The following MAP4K3 variants were observed in gnomAD, a reference collection of about 807,000 sequenced individuals.
MAP4K3 encodes MAPK/ERK kinase kinase kinase 3.
A neutral mutation model predicts 143.5 loss-of-function variants in MAP4K3; 94 were observed. The ratio of observed to expected loss-of-function variants is 0.65; its 90% CI spans 0.55 to 0.78. The LOEUF (loss-of-function observed/expected upper bound fraction) is 0.78. Among genes scored for constraint, MAP4K3 ranks in the 30% least tolerant of loss-of-function variants. The pLI, the probability that MAP4K3 is intolerant of heterozygous loss-of-function variation, is 0.00. For synonymous variants in MAP4K3, 416 were observed against 347.2 expected (o/e 1.20, Z -2.20); for missense variants, 1,077 against 1,068.1 (o/e 1.01, Z -0.12).
intron 33 of MAP4K3, among the ~76,000 whole-genome samples, 154 bp from the exon 34 acceptor site, chr2:39,250,859 G>C (rs893870601): frequency 6.6e-6 from 1 of 152,190 alleles, no homozygotes; most frequent in South Asian, 2.1e-4. Context: ...TGATTACAGG[G>C]CCAGTTCTAG....
At chr2:39,345,322 G>A (rs1384519208) in intron 3 of MAP4K3, among the ~76,000 whole-genome samples, 3 of 151,908 alleles carry the variant, frequency 2.0e-5, no homozygotes, top group Admixed American at 1.3e-4. Flanking sequence ...AGGGCGGGGC[G>A]GGGCGTATTA....
intron 1 of MAP4K3, among the ~76,000 whole-genome samples, chr2:39,391,860 CA>C (rs372372811): frequency 6.6e-6 from 1 of 151,982 alleles, no homozygotes; most frequent in Non-Finnish European, 1.5e-5. Context: ...CTCGCTGGTA[CA>C]AAAAGTCTCC....
Position 39,260,833 on chromosome 2 carries a change from T to C in MAP4K3, c.2137-56A>G. ...AAGGAAAATAAAAACCGAATAATTC[T>C]ATGAGAATACTATAAAACAGCTTTC... On this transcript the variant is annotated intron_variant, in intron 28 of 33. Coordinates refer to ENST00000263881, the MANE Select transcript of MAP4K3 (RefSeq NM_003618.4). 4.1e-6 allele frequency: 5 copies of C among 1,224,318 alleles called. No homozygotes were observed. In the South Asian group the frequency reaches 5.4e-5, roughly 13 times the overall value. 75.8% of individuals were successfully genotyped at this position (1,224,318 alleles called of 1,614,324 possible).
At position 39,280,317 on chromosome 2, in the gene MAP4K3, AG is replaced by A. The variant is rs762833452; in HGVS notation, c.1668del (p.Leu557Ter). On this transcript the variant is annotated frameshift_variant, in exon 23 of 34. Coordinates refer to ENST00000263881, the MANE Select transcript of MAP4K3 (RefSeq NM_003618.4). LOFTEE classifies it high-confidence loss of function. ...ACFSKVFNGC[P>X]LKIHCASSWI... ...CATGATGATGCACAGTGAATTTTCA[AG>A]GGACACCCATTAAAAACTTTTGAAA... The A allele has an allele frequency of 6.2e-7, 1 of 1,604,804 alleles. No homozygotes were observed. The highest frequency in any genetic ancestry group is 8.5e-7 in the Non-Finnish European group (1 of 1,174,374).
chr2:39,307,951 A>T lies in MAP4K3; in HGVS notation c.1111T>A (p.Ser371Thr). 6.4e-7 allele frequency: 1 copy of T among 1,573,948 alleles called. No individual in the cohort carries two copies. Among genetic ancestry groups the T allele is most frequent in the Non-Finnish European group, 8.6e-7 (1 of 1,160,516 alleles). Reference protein sequence around the residue: ...SSEEIYYTARSNLDLQLEYGQ... With the variant: ...SSEEIYYTARTNLDLQLEYGQ... ...CAGAAGATGAGAAATACCAGATTAG[A>T]TCTTGCAGTGTAGTATATTTCTTCT... Residue 371 changes from serine to threonine, a missense_variant, in exon 15 of 34, where the codon TCT becomes ACT. This residue lies in a region of MAP4K3 where 864 missense variants were observed against 801.2 expected (regional missense o/e 1.08). Transcript: ENST00000263881.
At chr2:39,304,696 C>A (rs1327041692) in intron 15 of MAP4K3, among the ~76,000 whole-genome samples, 1 of 152,088 alleles carries the variant, frequency 6.6e-6, no homozygotes, top group Non-Finnish European at 1.5e-5. Flanking sequence ...AACTACAAGT[C>A]CATTTCTAGT....
At chr2:39,425,596 C>G (rs1486749951) in intron 1 of MAP4K3, among the ~76,000 whole-genome samples, 3 of 152,016 alleles carry the variant, frequency 2.0e-5, no homozygotes, top group African/African-American at 7.2e-5. Context: ...CATCTACAAG[C>G]CAGAAAGAGA....
rs539102086 is a variant in MAP4K3 at position 39,258,584 on chromosome 2, G to T, written c.2312C>A (p.Thr771Asn). The change falls in exon 30 of 34, where the codon ACC becomes AAC. Residue 771 changes from threonine (T) to asparagine (N), a missense_variant. Thr to Asn is a moderately conservative substitution (Grantham distance 65, BLOSUM62 0). Transcript: ENST00000263881. ...TACATGAGTAACATTTGTCTGTGGG[G>T]TATCTACAATACAAACAAATTTTGG... is the stretch of plus-strand genomic sequence containing the variant. ...STSSWFTESDTPQTNVTHVTQ... is the reference protein window; with the variant it reads ...STSSWFTESDNPQTNVTHVTQ... 5.6e-5 allele frequency: 91 copies of T among 1,611,880 alleles called. No homozygotes were observed. The South Asian group carries it at 9.7e-4, about 17-fold the overall frequency.
Position 39,341,634 on chromosome 2 carries a change from C to T in MAP4K3, c.310+1754G>A, listed in dbSNP as rs190976631. ...TAGCACCACTGCACTCCAGCCTGCG[C>T]GACAGAGCAAGACTCCGTTTAAAAA... On this transcript the variant is annotated intron_variant, in intron 4 of 33. Coordinates refer to ENST00000263881, the MANE Select transcript of MAP4K3 (RefSeq NM_003618.4). 1.6e-3 allele frequency among the ~76,000 whole-genome samples: 235 copies of T among 149,284 alleles called. 2 individuals are homozygous for T. The highest frequency in any genetic ancestry group is 4.9e-3 in the African/African-American group (199 of 40,452).
intron 1 of MAP4K3, among the ~76,000 whole-genome samples, chr2:39,415,839 G>C (rs1304396690): frequency 6.8e-6 from 1 of 147,136 alleles, no homozygotes; most frequent in Non-Finnish European, 1.5e-5. Context: ...TGTAATCCCA[G>C]CTACTTGGGA....
intron 8 of MAP4K3, among the ~76,000 whole-genome samples, chr2:39,330,908 T>C (rs1263123298): frequency 1.3e-5 from 2 of 152,122 alleles, no homozygotes; most frequent in Admixed American, 6.6e-5. Context: ...ATAAGATGAT[T>C]GAAAGATGAA....
intron 1 of MAP4K3, among the ~76,000 whole-genome samples, chr2:39,429,006 A>G (rs1014311615): frequency 2.1e-4 from 29 of 140,390 alleles, no homozygotes; most frequent in African/African-American, 7.4e-4. Context: ...CGGAGGTTGC[A>G]GCGACCCGAA....
intron 3 of MAP4K3, among the ~76,000 whole-genome samples, chr2:39,353,931 G>A (rs997769618): frequency 6.6e-6 from 1 of 152,064 alleles, no homozygotes; most frequent in Non-Finnish European, 1.5e-5. Context: ...GCACAAACTG[G>A]TTAAATAATT....
In MAP4K3 at chr2:39,272,415, A is replaced by G; in HGVS notation, c.1856-15T>C. ...AGAAGCTTTACCTATAAAGAAAAAC[A>G]GATATGACATAAAAGCTAATAATAA... On this transcript the variant is annotated splice_polypyrimidine_tract_variant and intron_variant, in intron 25 of 33. Coordinates refer to ENST00000263881, the MANE Select transcript of MAP4K3 (RefSeq NM_003618.4). 1 of 1,604,602 alleles carries G rather than the reference A, an allele frequency of 6.2e-7. No homozygotes were observed. Among genetic ancestry groups the G allele is most frequent in the Non-Finnish European group, 8.5e-7 (1 of 1,171,844 alleles).
At chr2:39,329,919 T>C (rs911278709) in intron 8 of MAP4K3, among the ~76,000 whole-genome samples, 1 of 152,148 alleles carries the variant, frequency 6.6e-6, no homozygotes, top group Non-Finnish European at 1.5e-5. Context: ...AGTGGACATT[T>C]GAGGGAAGGC....
At chr2:39,302,095 TAAG>T (rs1428109310) in intron 15 of MAP4K3, among the ~76,000 whole-genome samples, 1 of 150,012 alleles carries the variant, frequency 6.7e-6, no homozygotes, top group Non-Finnish European at 1.5e-5. Flanking sequence ...TTTAGAAAGG[TAAG>T]AAAAGTATCT....
intron 32 of MAP4K3, among the ~76,000 whole-genome samples, chr2:39,254,160 G>T (rs1337394797): frequency 6.6e-6 from 1 of 152,204 alleles, no homozygotes; most frequent in Non-Finnish European, 1.5e-5. Context: ...CTCTGGGAAA[G>T]TTGAAAGAAA....
At chr2:39,271,078 C>T (rs1680999698) in intron 26 of MAP4K3, among the ~76,000 whole-genome samples, 1 of 151,970 alleles carries the variant, frequency 6.6e-6, no homozygotes. Flanking sequence ...GGTCCCATAT[C>T]TAGTAAGTCA....
intron 6 of MAP4K3, among the ~76,000 whole-genome samples, chr2:39,335,013 G>C (rs1364258306): frequency 6.6e-6 from 1 of 152,146 alleles, no homozygotes; most frequent in African/African-American, 2.4e-5. Flanking sequence ...TTCAGGAAAG[G>C]AGGAGGAAAT....
Sources: gnomAD v4.1 joint callset for allele counts (sites outside exome capture counted in the v4.1 genomes callset) on GRCh38, gnomAD v4.1.1 for gene constraint, gnomAD v4.1.1 regional missense constraint, MANE v1.5 for transcripts, NCBI Gene and HGNC (gene_info 2026-07-23, HGNC 2026-07-21) for gene names.